The following RIMKLB variants were observed in gnomAD, a reference collection of about 807,000 sequenced individuals.
RIMKLB encodes ribosomal modification protein rimK like family member B.
RIMKLB carries 7 observed loss-of-function variants against 32.0 expected under a neutral mutation model. That is an observed-to-expected ratio of 0.22 (90% CI 0.12 to 0.41). RIMKLB has a LOEUF of 0.41. Ranked by LOEUF, RIMKLB falls within the 10% of genes least tolerant of loss-of-function variation. The pLI is 1.00. For synonymous variants in RIMKLB, 172 were observed against 185.1 expected, an observed-to-expected ratio of 0.93 and a Z score of 0.57; for missense variants, 289 against 498.7, an observed-to-expected ratio of 0.58 and a Z score of 4.00.
At chr12:8,674,160 CAGAT>C in the RIMKLB span, among the ~76,000 whole-genome samples, 1 of 151,322 alleles carries the variant, frequency 6.6e-6, no homozygotes, top group Non-Finnish European at 1.5e-5. Context: ...GGTTAAGTGT[CAGAT>C]AGTCAACATT....
intron 2 of RIMKLB, among the ~76,000 whole-genome samples, chr12:8,727,973 C>T (rs1470007852): frequency 2.0e-5 from 3 of 151,876 alleles, no homozygotes; most frequent in African/African-American, 4.8e-5. Context: ...TGCATACATT[C>T]GTGGAATGCA....
At chr12:8,689,922 A>G (rs1339155368) in intron 1 of RIMKLB, among the ~76,000 whole-genome samples, 1 of 151,754 alleles carries the variant, frequency 6.6e-6, no homozygotes, top group Non-Finnish European at 1.5e-5. Flanking sequence ...CCCACCTTAA[A>G]TTCCACCTCC....
downstream of RIMKLB, chr12:8,779,720 TTAATAGC>T (rs1264318989): frequency 6.6e-6 from 1 of 152,166 alleles, no homozygotes; most frequent in Non-Finnish European, 1.5e-5. Context: ...AGACTGTCCC[TTAATAGC>T]TAATGTAGAA....
At chr12:8,685,092 A>G (rs1290110439) in intron 1 of RIMKLB, among the ~76,000 whole-genome samples, 2 of 152,216 alleles carry the variant, frequency 1.3e-5, no homozygotes, top group South Asian at 2.1e-4. Context: ...ATCTGCGAAC[A>G]GAGTTTTATT....
chr12:8,714,555 T>C (rs1944648659), intron 2 of RIMKLB, among the ~76,000 whole-genome samples: 1 of 152,336 alleles, frequency 6.6e-6, no homozygotes, highest in South Asian at 2.1e-4. Flanking sequence ...ACTATACATG[T>C]AATATAAACT....
chr12:8,723,232 G>A lies in RIMKLB; in HGVS notation c.175+9191G>A, dbSNP rs752961028. Among the ~76,000 whole-genome samples the A allele has an allele frequency of 3.9e-5, 6 of 152,100 alleles. No homozygotes were observed. In the South Asian group the frequency reaches 1.0e-3, roughly 26 times the overall value. On this transcript the variant is annotated intron_variant, in intron 2 of 5. Coordinates refer to ENST00000535829, the MANE Select transcript of RIMKLB (RefSeq NM_001297776.2). ...CCTTGAACACTTAGAGCCACTGTAG[G>A]GTTATTAACTGGCCTAATTTCAATA...
chr12:8,734,461 A>G (rs953856413), intron 2 of RIMKLB, among the ~76,000 whole-genome samples: 2 of 152,224 alleles, frequency 1.3e-5, no homozygotes, highest in African/African-American at 2.4e-5. Context: ...GTTAGTGCCT[A>G]CTACCCTCAC....
rs778963235 is a variant in RIMKLB, at chr12:8,755,651, TC to T, written c.697+1560del. Among the ~76,000 whole-genome samples the T allele has an allele frequency of 9.2e-5, 14 of 152,208 alleles. 1 individual carries two copies. The highest frequency in any genetic ancestry group is 3.4e-4 in the African/African-American group (14 of 41,534). On this transcript the variant is annotated intron_variant, in intron 5 of 5. Transcript: ENST00000535829. The stretch of plus-strand genomic sequence containing the variant: ...CTTCTACCCTTCCCTCCTAATCTCT[TC>T]CTAACACCGCAGTGATATGACGGAT...
chr12:8,753,169 G>C (rs1392677767), intron 4 of RIMKLB, among the ~76,000 whole-genome samples: 1 of 152,168 alleles, frequency 6.6e-6, no homozygotes, highest in East Asian at 1.9e-4. Flanking sequence ...TTTATATTTG[G>C]CTTCTCCAGT....
chr12:8,679,178 C>CTTTGTT (rs1203261994), upstream of RIMKLB: 2 of 152,098 alleles, frequency 1.3e-5, no homozygotes, highest in African/African-American at 2.4e-5. Flanking sequence ...GCCATTTATT[C>CTTTGTT]TTTGTTTTTG....
intron 2 of RIMKLB, among the ~76,000 whole-genome samples, chr12:8,716,431 CTTTTTTTTTTTTT>C (rs11307521): frequency 1.2e-5 from 1 of 81,682 alleles, no homozygotes; most frequent in African/African-American, 4.9e-5. Context: ...ATTAACATGT[CTTTTTTTTTTTTT>C]TTTTTTTTTT....
chr12:8,671,634 C>T, the RIMKLB span, among the ~76,000 whole-genome samples: 15 of 150,670 alleles, frequency 1.0e-4, no homozygotes, highest in Admixed American at 6.6e-5. Flanking sequence ...GAATTCTGGC[C>T]GGGCGTGGTG....
At position 8,767,649 on chromosome 12, in the gene RIMKLB, G is replaced by A. The variant is rs769616994; in HGVS notation, c.698-5672G>A. Among the ~76,000 whole-genome samples the A allele has an allele frequency of 8.5e-5, 13 of 152,230 alleles. No individual in the cohort carries two copies. In the South Asian group the frequency reaches 1.0e-3, roughly 12 times the overall value. The stretch of plus-strand genomic sequence containing the variant: ...TTCTGTCTGCGCCATGATCTCAACC[G>A]GCTAACACCAGGAGTTCGGGATGAC... On this transcript the variant is annotated intron_variant, in intron 5 of 5. Transcript: ENST00000535829.
upstream of RIMKLB, among the ~76,000 whole-genome samples, chr12:8,677,858 T>C (rs964099466): frequency 6.6e-6 from 1 of 151,514 alleles, no homozygotes; most frequent in Non-Finnish European, 1.5e-5. Flanking sequence ...GCTCAGGTGA[T>C]CCTCCCACCT....
downstream of RIMKLB, chr12:8,777,238 T>TTTTG: frequency 4.1e-6 from 4 of 970,974 alleles, no homozygotes; most frequent in South Asian, 4.8e-5. Flanking sequence ...TTTTTTTTTT[T>TTTTG]TTCTTCTTAA....
upstream of RIMKLB, among the ~76,000 whole-genome samples, chr12:8,678,303 G>A (rs116225327): frequency 0.038 from 5,739 of 149,996 alleles, 306 homozygotes; most frequent in African/African-American, 0.12. Context: ...AGTGTGAGCC[G>A]CCACACCTGG....
chr12:8,697,557 T>G (rs1404089152), upstream of RIMKLB: 2 of 158,478 alleles, frequency 1.3e-5, no homozygotes, highest in African/African-American at 4.8e-5. Flanking sequence ...CGGAAGGGAC[T>G]AATCTCGCGG....
At chr12:8,771,447 G>A (rs1449273209) in intron 5 of RIMKLB, among the ~76,000 whole-genome samples, 1 of 152,148 alleles carries the variant, frequency 6.6e-6, no homozygotes, top group East Asian at 1.9e-4. Context: ...AAGGGCTGTT[G>A]GAGTGATATG....
At chr12:8,701,894 A>G (rs1049598369) in intron 1 of RIMKLB, among the ~76,000 whole-genome samples, 2 of 150,792 alleles carry the variant, frequency 1.3e-5, no homozygotes, top group African/African-American at 2.4e-5. Context: ...AATCTCAGCT[A>G]CTCGGGGGGG....
Sources: gnomAD v4.1 joint callset for allele counts (sites outside exome capture counted in the v4.1 genomes callset) on GRCh38, gnomAD v4.1.1 for gene constraint, MANE v1.5 for transcripts, NCBI Gene and HGNC (gene_info 2026-07-23, HGNC 2026-07-21) for gene names.